Variants in RYR3 observed in about 807,000 individuals in gnomAD.
RYR3 encodes ryanodine receptor 3, also known as brain ryanodine receptor-calcium release channel.
A neutral mutation model predicts 584.3 loss-of-function variants in RYR3; 207 were observed. The observed-to-expected ratio is 0.35, with a 90% CI of 0.32 to 0.40. RYR3 has a LOEUF of 0.40. Ranked by LOEUF, RYR3 falls within the 10% of genes least tolerant of loss-of-function variation. The pLI, the probability that RYR3 is intolerant of heterozygous loss-of-function variation, is 1.00. For synonymous variants in RYR3, 2,416 were observed against 2,248.5 expected, an observed-to-expected ratio of 1.07 and a Z score of -2.11; for missense variants, 5,616 against 6,089.2, an observed-to-expected ratio of 0.92 and a Z score of 2.59.
intron 43 of RYR3, among the ~76,000 whole-genome samples, chr15:33,709,386 G>T (rs961576734): frequency 2.0e-5 from 3 of 152,224 alleles, no homozygotes; most frequent in African/African-American, 7.2e-5. Flanking sequence ...CATAGATTCA[G>T]TTGAGAAGCA....
chr15:33,677,974 A>G (rs545554436), intron 38 of RYR3, among the ~76,000 whole-genome samples: 1 of 152,278 alleles, frequency 6.6e-6, no homozygotes, highest in South Asian at 2.1e-4. Context: ...ATAGGAACTT[A>G]GATTTGTTTA....
intron 29 of RYR3, 21 bp from the exon 30 acceptor site, chr15:33,647,403 C>T (rs1053404386): frequency 1.3e-6 from 2 of 1,598,202 alleles, no homozygotes; most frequent in Non-Finnish European, 1.7e-6. Context: ...ATAACTAAAA[C>T]ATGGATTATC....
chr15:33,585,017 AGT>A lies in RYR3; in HGVS notation c.1669+531_1669+532del, dbSNP rs561039120. On this transcript the variant is annotated intron_variant, in intron 15 of 103. Transcript: ENST00000634891. ...TGACTTACGGAGAATCTGAGCCAAG[AGT>A]GTGGTCATCATTGGGAAGTGACCAT... 2.2e-3 allele frequency among the ~76,000 whole-genome samples: 338 copies of A among 152,164 alleles called. 1 individual carries two copies. The highest frequency in any genetic ancestry group is 7.9e-3 in the African/African-American group (329 of 41,522).
At chr15:33,684,359 G>C (rs2064841556) in intron 38 of RYR3, among the ~76,000 whole-genome samples, 1 of 152,194 alleles carries the variant, frequency 6.6e-6, no homozygotes, top group Non-Finnish European at 1.5e-5. Flanking sequence ...ACAGAGTCTG[G>C]AGTGAACCTC....
intron 27 of RYR3, among the ~76,000 whole-genome samples, chr15:33,637,792 C>G (rs2061574448): frequency 6.6e-6 from 1 of 152,098 alleles, no homozygotes; most frequent in Non-Finnish European, 1.5e-5. Flanking sequence ...CTGTACCTTT[C>G]AAGGTGTTTC....
intron 30 of RYR3, 68 bp downstream of exon 30, chr15:33,647,528 T>TA (rs1371090912): frequency 1.3e-5 from 15 of 1,131,252 alleles, no homozygotes; most frequent in Non-Finnish European, 2.0e-5. Flanking sequence ...ATATGCCCCT[T>TA]ACAGCAAAGA....
chr15:33,741,395 C>T lies in RYR3; in HGVS notation c.7821-971C>T, dbSNP rs576101499. On this transcript the variant is annotated intron_variant, in intron 51 of 103. Coordinates refer to ENST00000634891, the MANE Select transcript of RYR3 (RefSeq NM_001036.6). ...AAGAATTTACTGCCCTAGTTTCACCCAACTCAAGACTTAAATTCCGTGGAG... is the reference window on the plus strand; with the variant it reads ...AAGAATTTACTGCCCTAGTTTCACCTAACTCAAGACTTAAATTCCGTGGAG... 5.3e-5 allele frequency among the ~76,000 whole-genome samples: 8 copies of T among 152,270 alleles called. No homozygotes were observed. In the East Asian group the frequency reaches 5.8e-4, roughly 11 times the overall value.
chr15:33,579,439 C>T (rs955536237), intron 12 of RYR3, among the ~76,000 whole-genome samples: 1 of 141,448 alleles, frequency 7.1e-6, no homozygotes, highest in Non-Finnish European at 1.6e-5. Flanking sequence ...AATCCTTCCA[C>T]CTTAGGATTA....
chr15:33,323,873 A>G (rs1256521213), intron 1 of RYR3, among the ~76,000 whole-genome samples: 2 of 152,192 alleles, frequency 1.3e-5, no homozygotes, highest in Non-Finnish European at 2.9e-5. Context: ...TGGAATACAC[A>G]TAAGAGGGCA....
intron 67 of RYR3, among the ~76,000 whole-genome samples, chr15:33,791,421 T>C (rs1486817862): frequency 1.3e-5 from 2 of 151,976 alleles, no homozygotes; most frequent in African/African-American, 4.8e-5. Flanking sequence ...GAGAGGTCTT[T>C]TGGGGTCCTT....
chr15:33,446,390 C>G (rs74005627), intron 1 of RYR3, among the ~76,000 whole-genome samples: 1,693 of 152,296 alleles, frequency 0.011, 22 homozygotes, highest in African/African-American at 0.038. Context: ...TTTGCTAGAG[C>G]TGCCACAATA....
intron 1 of RYR3, among the ~76,000 whole-genome samples, chr15:33,461,998 A>G (rs2048076707): frequency 6.6e-6 from 1 of 152,204 alleles, no homozygotes; most frequent in African/African-American, 2.4e-5. Context: ...GAGCTGGAAA[A>G]AAAACCGTAG....
chr15:33,341,874 A>T (rs1457854139), intron 1 of RYR3, among the ~76,000 whole-genome samples: 1 of 152,094 alleles, frequency 6.6e-6, no homozygotes, highest in Non-Finnish European at 1.5e-5. Flanking sequence ...GCTCAAAGAG[A>T]TTGTAAGTCA....
intron 45 of RYR3, among the ~76,000 whole-genome samples, chr15:33,725,818 A>G (rs1190259950): frequency 6.6e-6 from 1 of 150,602 alleles, no homozygotes; most frequent in Non-Finnish European, 1.5e-5. Flanking sequence ...AAAATACAAA[A>G]AATTAGCCAG....
intron 1 of RYR3, among the ~76,000 whole-genome samples, chr15:33,400,282 T>C (rs190531466): frequency 1.3e-5 from 2 of 152,316 alleles, no homozygotes; most frequent in Admixed American, 1.3e-4. Context: ...ATAGCACACC[T>C]TTTCACTGTT....
chr15:33,451,060 T>C (rs1195450773), intron 1 of RYR3, among the ~76,000 whole-genome samples: 1 of 152,218 alleles, frequency 6.6e-6, no homozygotes, highest in South Asian at 2.1e-4. Context: ...CCTCATTTTA[T>C]CTCTACCACT....
intron 55 of RYR3, among the ~76,000 whole-genome samples, chr15:33,749,445 C>T (rs896569562): frequency 2.6e-5 from 4 of 152,206 alleles, no homozygotes; most frequent in Admixed American, 6.5e-5. Context: ...GCCCCTTGGA[C>T]CTTCGAGAAA....
intron 38 of RYR3, among the ~76,000 whole-genome samples, chr15:33,675,979 T>G (rs1311345596): frequency 8.9e-6 from 1 of 112,072 alleles, no homozygotes; most frequent in Non-Finnish European, 2.3e-5. Flanking sequence ...CCAGGATAAT[T>G]GCCCCCCAAA....
At chr15:33,673,019 G>A (rs1197383079) in intron 38 of RYR3, among the ~76,000 whole-genome samples, 1 of 152,184 alleles carries the variant, frequency 6.6e-6, no homozygotes, top group Non-Finnish European at 1.5e-5. Context: ...CAGGTCTTCT[G>A]TCTCTTTGTA....
Sources: gnomAD v4.1 joint callset for allele counts (sites outside exome capture counted in the v4.1 genomes callset) on GRCh38, gnomAD v4.1.1 for gene constraint, MANE v1.5 for transcripts, NCBI Gene and HGNC (gene_info 2026-07-23, HGNC 2026-07-21) for gene names.